Variants in GSK3B observed in about 807,000 individuals in gnomAD.
GSK3B encodes the protein glycogen synthase kinase-3 beta.
In GSK3B, 15 loss-of-function variants were observed where a neutral mutation model predicts 56.4. The ratio of observed to expected loss-of-function variants is 0.27; its 90% CI spans 0.18 to 0.41. The LOEUF is 0.41. Ranked by LOEUF, GSK3B falls within the 10% of genes least tolerant of loss-of-function variation. The pLI is 1.00. For synonymous variants in GSK3B, 181 were observed against 188.9 expected (o/e 0.96, Z 0.34); for missense variants, 300 against 513.4 (o/e 0.58, Z 4.02).
chr3:119,842,510 C>T (rs2055787912), intron 10 of GSK3B, among the ~76,000 whole-genome samples: 1 of 152,018 alleles, frequency 6.6e-6, no homozygotes, highest in African/African-American at 2.4e-5. Flanking sequence ...GGGAAAAAAA[C>T]AAAAGTGTAT....
At position 119,865,462 on chromosome 3, in the gene GSK3B, ATATATTTTTT is replaced by A. The variant is rs1459634630; in HGVS notation, c.910-1867_910-1858del. Among the ~76,000 whole-genome samples, 569 of 26,862 alleles carry A rather than the reference ATATATTTTTT, an allele frequency of 0.021. 10 individuals are homozygous for A. The East Asian group carries it at 0.23, about 11-fold the overall frequency. The allele number at this position is 26,862 out of a possible 152,430, so 17.6% of individuals were successfully genotyped here. ...TATATATATATATATATATATATAT[ATATATTTTTT>A]TTTTTTTTTTTTTTTTTGAGATGGA... On this transcript the variant is annotated intron_variant, in intron 8 of 10. Coordinates refer to ENST00000264235, the MANE Select transcript of GSK3B (RefSeq NM_001146156.2).
At chr3:119,898,694 T>C (rs2056595694) in intron 7 of GSK3B, among the ~76,000 whole-genome samples, 1 of 152,100 alleles carries the variant, frequency 6.6e-6, no homozygotes, top group African/African-American at 2.4e-5. Flanking sequence ...GGTAATACAG[T>C]AGTTTCCCCT....
intron 8 of GSK3B, among the ~76,000 whole-genome samples, chr3:119,866,195 G>A (rs940074928): frequency 7.2e-5 from 11 of 152,060 alleles, no homozygotes; most frequent in Non-Finnish European, 1.5e-4. Flanking sequence ...TGCTTCTAAA[G>A]AAAAGGAAAC....
intron 8 of GSK3B, among the ~76,000 whole-genome samples, chr3:119,875,289 AAG>A (rs764291884): frequency 9.9e-5 from 15 of 151,044 alleles, no homozygotes; most frequent in South Asian, 6.2e-4. Flanking sequence ...ATATCTGATT[AAG>A]AGAGAGAGAG....
chr3:119,981,872 AACAG>A (rs1438161677), intron 2 of GSK3B, among the ~76,000 whole-genome samples: 1 of 152,350 alleles, frequency 6.6e-6, no homozygotes, highest in East Asian at 1.9e-4. Flanking sequence ...GAGCTCTGAG[AACAG>A]ACAGACTGCC....
At chr3:119,971,601 ATTTTTTTTTTTTTT>A (rs751790636) in intron 2 of GSK3B, among the ~76,000 whole-genome samples, 2 of 83,842 alleles carry the variant, frequency 2.4e-5, no homozygotes, top group African/African-American at 1.1e-4. Flanking sequence ...ATTTGCAATA[ATTTTTTTTTTTTTT>A]TTTTTTTTTT....
chr3:119,940,112 G>T (rs961747753), intron 3 of GSK3B, among the ~76,000 whole-genome samples: 1 of 78,042 alleles, frequency 1.3e-5, no homozygotes, highest in African/African-American at 8.0e-5. Flanking sequence ...GTGTGTGTTT[G>T]TGTGTGTGTG....
chr3:120,045,171 G>A (rs1015362841), intron 1 of GSK3B, among the ~76,000 whole-genome samples: 1 of 152,034 alleles, frequency 6.6e-6, no homozygotes, highest in Non-Finnish European at 1.5e-5. Context: ...GGATCAAGTC[G>A]GACAGCAAAG....
At position 119,864,819 on chromosome 3, in the gene GSK3B, TTTTAA is replaced by T. The variant is rs1455791923; in HGVS notation, c.910-1219_910-1215del. 5.3e-5 allele frequency among the ~76,000 whole-genome samples: 8 copies of T among 152,348 alleles called. No homozygotes were observed. The East Asian group carries it at 1.2e-3, about 22-fold the overall frequency. On this transcript the variant is annotated intron_variant, in intron 8 of 10. Coordinates refer to ENST00000264235, the MANE Select transcript of GSK3B (RefSeq NM_001146156.2). ...ACAGTGAAAAGAGGATTGTATTTGTTTTTAATTTATTATTGAAAAAGACATTTTCC... is the reference window on the plus strand; with the variant it reads ...ACAGTGAAAAGAGGATTGTATTTGTTTTTATTATTGAAAAAGACATTTTCC...
chr3:119,862,086 CTTCTT>C (rs2056111716), intron 9 of GSK3B, among the ~76,000 whole-genome samples: 1 of 151,186 alleles, frequency 6.6e-6, no homozygotes, highest in African/African-American at 2.4e-5. Flanking sequence ...AAATAAAAGT[CTTCTT>C]TTTTTTTTTT....
At chr3:119,905,595 G>C (rs1559830916) in intron 7 of GSK3B, among the ~76,000 whole-genome samples, 160 bp downstream of exon 7, 1 of 152,064 alleles carries the variant, frequency 6.6e-6, no homozygotes, top group South Asian at 2.1e-4. Flanking sequence ...AAAAGGCTGG[G>C]GGGGCGTTCT....
chr3:119,905,634 C>T lies in GSK3B; in HGVS notation c.813+121G>A, dbSNP rs72548703. ...ACCCACTTTATAGCTGAACTTGCTA[C>T]GTGACCTTGGATTGCTTCCTCCATT... On this transcript the variant is annotated intron_variant, in intron 7 of 10. Transcript: ENST00000264235. 0.011 allele frequency: 7,596 copies of T among 675,924 alleles called. 275 individuals are homozygous for T. Among genetic ancestry groups the T allele is most frequent in the African/African-American group, 0.092 (5,191 of 56,590 alleles). The allele number at this position is 675,924 out of a possible 1,614,324, so 41.9% of individuals were successfully genotyped here.
At chr3:120,088,037 C>A (rs568201088) in intron 1 of GSK3B, among the ~76,000 whole-genome samples, 3 of 152,208 alleles carry the variant, frequency 2.0e-5, no homozygotes, top group African/African-American at 7.2e-5. Flanking sequence ...GGACTACAGA[C>A]GCACACCACC....
In GSK3B at chr3:120,025,665, A is replaced by G. The variant is rs116221882; in HGVS notation, c.89-23426T>C. Among the ~76,000 whole-genome samples the G allele has an allele frequency of 5.0e-3, 764 of 152,322 alleles. 7 individuals carry two copies. Among genetic ancestry groups the G allele is most frequent in the African/African-American group, 0.018 (743 of 41,566 alleles). On this transcript the variant is annotated intron_variant, in intron 1 of 10. Transcript: ENST00000264235. Reference sequence around the variant, plus strand: ...CAATGTATGCAAGAACTGACTCAGGATGATCAAAGTACTGTGGTTAAACTC... The same window carrying G: ...CAATGTATGCAAGAACTGACTCAGGGTGATCAAAGTACTGTGGTTAAACTC...
At chr3:120,037,559 T>C (rs2058033230) in intron 1 of GSK3B, among the ~76,000 whole-genome samples, 1 of 152,096 alleles carries the variant, frequency 6.6e-6, no homozygotes, top group Admixed American at 6.5e-5. Flanking sequence ...GAAGGAAATA[T>C]GTTTTATAAA....
intron 6 of GSK3B, among the ~76,000 whole-genome samples, chr3:119,907,167 T>G (rs2056690859): frequency 1.3e-5 from 2 of 152,112 alleles, no homozygotes; most frequent in African/African-American, 4.8e-5. Flanking sequence ...TTAATCTAAG[T>G]TTTAAAACAT....
intron 9 of GSK3B, among the ~76,000 whole-genome samples, chr3:119,851,862 TG>T (rs1449007399): frequency 1.3e-5 from 2 of 152,316 alleles, no homozygotes; most frequent in Non-Finnish European, 2.9e-5. Flanking sequence ...AATAATGGAG[TG>T]CCCCCATTAC....
chr3:119,985,184 G>A (rs556397318), intron 2 of GSK3B, among the ~76,000 whole-genome samples: 2 of 152,178 alleles, frequency 1.3e-5, no homozygotes, highest in East Asian at 1.9e-4. Context: ...TTGATGGAAC[G>A]TATCTCAAAA....
intron 1 of GSK3B, among the ~76,000 whole-genome samples, chr3:120,074,795 G>T (rs549837438): frequency 1.3e-5 from 2 of 152,154 alleles, no homozygotes; most frequent in South Asian, 4.2e-4. Context: ...AAAAGAAAAG[G>T]TCAGGACCAG....
Sources: gnomAD v4.1 joint callset for allele counts (sites outside exome capture counted in the v4.1 genomes callset) on GRCh38, gnomAD v4.1.1 for gene constraint, MANE v1.5 for transcripts, NCBI Gene and HGNC (gene_info 2026-07-23, HGNC 2026-07-21) for gene names.